The following ENAH variants were observed in gnomAD, a reference collection of about 807,000 sequenced individuals.
ENAH encodes ENAH actin regulator.
ENAH carries 23 observed loss-of-function variants against 78.7 expected under a neutral mutation model. The observed-to-expected ratio is 0.29, with a 90% CI of 0.21 to 0.41. The LOEUF (loss-of-function observed/expected upper bound fraction) is 0.41. Among genes scored for constraint, ENAH ranks in the 10% least tolerant of loss-of-function variants. The probability of loss-of-function intolerance (pLI) is 1.00; values close to 1 mark genes in which losing one functional copy is unlikely to be tolerated. For synonymous variants in ENAH, 226 were observed against 241.0 expected (o/e 0.94, Z 0.58); for missense variants, 544 against 691.0 (o/e 0.79, Z 2.39).
chr1:225,554,823 A>G (rs2096658700), intron 3 of ENAH, 83 bp downstream of exon 3: 1 of 1,192,034 alleles, frequency 8.4e-7, no homozygotes, highest in Non-Finnish European at 1.1e-6. Context: ...ATGGCACTTC[A>G]GTTCAAGAAT....
At position 225,519,569 on chromosome 1, in the gene ENAH, GAA is replaced by G. The variant is rs34432111; in HGVS notation, c.435-6_435-5del. 3.2e-3 allele frequency: 4,591 copies of G among 1,455,058 alleles called. No individual in the cohort carries two copies. The highest frequency in any genetic ancestry group is 9.0e-3 in the Admixed American group (390 of 43,536). The allele number at this position is 1,455,058 out of a possible 1,614,324, so 90.1% of individuals were successfully genotyped here. A position where few individuals can be genotyped will look rare whatever the true frequency, so the allele number is the denominator to read the frequency against. Reference sequence around the variant, plus strand: ...CCGTTGCTGTTCTTGTAGTTGTCTGGAAAAAAAAAAAAAAAAGTAAAAACATG... The same window carrying G: ...CCGTTGCTGTTCTTGTAGTTGTCTGGAAAAAAAAAAAAAAGTAAAAACATG... On this transcript the variant is annotated splice_region_variant and splice_polypyrimidine_tract_variant and intron_variant, in intron 4 of 13. Coordinates refer to ENST00000366843, the MANE Select transcript of ENAH (RefSeq NM_018212.6).
chr1:225,510,699 TAAAAA>T (rs770906084), intron 10 of ENAH, among the ~76,000 whole-genome samples: 4 of 106,024 alleles, frequency 3.8e-5, no homozygotes, highest in East Asian at 2.6e-4. Flanking sequence ...CAGAGGTACT[TAAAAA>T]AAAAAAAAAA....
At chr1:225,536,830 T>A (rs2096564104) in intron 3 of ENAH, among the ~76,000 whole-genome samples, 1 of 151,974 alleles carries the variant, frequency 6.6e-6, no homozygotes. Flanking sequence ...AATGTCACCT[T>A]TGCTAAGTAC....
At chr1:225,502,947 A>G (rs774386329) in intron 11 of ENAH, among the ~76,000 whole-genome samples, 2 of 152,244 alleles carry the variant, frequency 1.3e-5, no homozygotes, top group Non-Finnish European at 2.9e-5. Context: ...CTCAAGTTAT[A>G]TAATGAATAC....
intron 7 of ENAH, 112 bp downstream of exon 7, chr1:225,514,484 T>TA: frequency 1.0e-6 from 1 of 952,640 alleles, no homozygotes; most frequent in Non-Finnish European, 1.6e-6. Context: ...TTCAATTTTT[T>TA]AAATCAATGA....
chr1:225,598,373 CAG>C (rs550132465), intron 1 of ENAH, among the ~76,000 whole-genome samples: 38 of 149,922 alleles, frequency 2.5e-4, no homozygotes, highest in African/African-American at 6.9e-4. Flanking sequence ...AGCACAAATA[CAG>C]AGAGAGTGAA....
Position 225,653,018 on chromosome 1 carries a change from CCCG to C in ENAH, c.-331_-329del. 1 of 212,010 alleles carries C rather than the reference CCCG, an allele frequency of 4.7e-6. No homozygotes were observed. The highest frequency in any genetic ancestry group is 9.4e-6 in the Non-Finnish European group (1 of 106,874). The allele number at this position is 212,010 out of a possible 1,614,324, so 13.1% of individuals were successfully genotyped here. On this transcript the variant is annotated 5_prime_UTR_variant, in exon 1 of 14. Transcript: ENST00000366843. This position sits in a 1 kb window ranked among gnomAD's most constrained non-coding sequence, Gnocchi z 4.3. ...TTCCTCGGCCGCCCTCTGAGGGGTGCCCGCCGGGGCCGCGCGCCCGGCCGCCGC... is the reference window on the plus strand; with the variant it reads ...TTCCTCGGCCGCCCTCTGAGGGGTGCCCGGGGCCGCGCGCCCGGCCGCCGC...
chr1:225,591,081 GATTTT>G (rs2096873267), intron 1 of ENAH, among the ~76,000 whole-genome samples: 1 of 152,174 alleles, frequency 6.6e-6, no homozygotes, highest in Admixed American at 6.5e-5. Flanking sequence ...TGACAATGAT[GATTTT>G]ATTATAGAAT....
chr1:225,643,359 A>G (rs1661416893), intron 1 of ENAH, among the ~76,000 whole-genome samples: 1 of 152,114 alleles, frequency 6.6e-6, no homozygotes, highest in African/African-American at 2.4e-5. Context: ...TGGTAGGACA[A>G]TGATAGACTG....
At chr1:225,602,263 G>A (rs1365619346) in intron 1 of ENAH, among the ~76,000 whole-genome samples, 2 of 152,220 alleles carry the variant, frequency 1.3e-5, no homozygotes, top group Admixed American at 6.5e-5. Context: ...CGAACTCCGT[G>A]ATGAGACCTT....
chr1:225,491,477 T>TA lies in ENAH; in HGVS notation c.*6297dup, dbSNP rs11377355. ...TTATTTTTAAAATGCCTTTAATCTT[T>TA]AAAAAAAAAAATAAAAGAAAAAGAA... On this transcript the variant is annotated 3_prime_UTR_variant, in exon 14 of 14. Coordinates refer to ENST00000366843, the MANE Select transcript of ENAH (RefSeq NM_018212.6). 95,901 of 148,482 alleles carry TA rather than the reference T, an allele frequency of 0.65. 31,195 individuals carry two copies. The highest frequency in any genetic ancestry group is 0.74 in the Middle Eastern group (212 of 288). 9.2% of individuals were successfully genotyped at this position (148,482 alleles called of 1,614,324 possible).
At chr1:225,604,726 G>A (rs1026923108) in intron 1 of ENAH, among the ~76,000 whole-genome samples, 1 of 152,102 alleles carries the variant, frequency 6.6e-6, no homozygotes, top group African/African-American at 2.4e-5. Flanking sequence ...CCATGAGGCA[G>A]GGGTTGCAGT....
chr1:225,513,139 T>G (rs1282407336), intron 7 of ENAH, 123 bp from the exon 8 acceptor site: 21 of 863,690 alleles, frequency 2.4e-5, no homozygotes, highest in Non-Finnish European at 3.5e-5. Flanking sequence ...ATATTATTTT[T>G]TAAGCTTTAA....
rs138214490 is a variant in ENAH at position 225,561,981 on chromosome 1, C to G, written c.171+5268G>C. On this transcript the variant is annotated intron_variant, in intron 2 of 13. Coordinates refer to ENST00000366843, the MANE Select transcript of ENAH (RefSeq NM_018212.6). ...ACTGTGCTCTATTTTACACTTATCA[C>G]AACTGAAACATTTAACTGTGGTTCT... 5.5e-3 allele frequency among the ~76,000 whole-genome samples: 833 copies of G among 152,252 alleles called. 10 individuals are homozygous for G. The highest frequency in any genetic ancestry group is 0.019 in the African/African-American group (797 of 41,562).
chr1:225,512,070 T>G (rs1432519547), intron 9 of ENAH, among the ~76,000 whole-genome samples: 2 of 152,208 alleles, frequency 1.3e-5, no homozygotes, highest in Non-Finnish European at 2.9e-5. Context: ...TTTCCTCATG[T>G]GTTCTCCTTG....
chr1:225,571,283 G>C (rs528262691), intron 1 of ENAH, among the ~76,000 whole-genome samples: 22 of 152,062 alleles, frequency 1.4e-4, no homozygotes, highest in African/African-American at 5.1e-4. Context: ...TGAAGCACAA[G>C]AATCGCTTGA....
At chr1:225,508,586 C>G (rs1288081125) in intron 10 of ENAH, 1 of 152,198 alleles carries the variant, frequency 6.6e-6, no homozygotes, top group Non-Finnish European at 1.5e-5. Flanking sequence ...AATTCTTGGG[C>G]CTTAGCCGAT....
At chr1:225,646,543 C>T (rs1024571556) in intron 1 of ENAH, among the ~76,000 whole-genome samples, 1 of 152,150 alleles carries the variant, frequency 6.6e-6, no homozygotes, top group Non-Finnish European at 1.5e-5. Context: ...CTAGGCCGGG[C>T]GCTGTGGCTC....
intron 1 of ENAH, among the ~76,000 whole-genome samples, chr1:225,600,410 A>G (rs887809403): frequency 6.6e-6 from 1 of 152,148 alleles, no homozygotes; most frequent in Non-Finnish European, 1.5e-5. Flanking sequence ...AGCTAAAGTA[A>G]TGTTTAATGG....
Sources: allele counts gnomAD v4.1 joint callset (sites outside exome capture counted in the v4.1 genomes callset), GRCh38; gene constraint gnomAD v4.1.1; non-coding constraint Gnocchi (gnomAD v3.1); transcripts MANE v1.5; gene names NCBI Gene and HGNC (gene_info 2026-07-23, HGNC 2026-07-21).